The following FIGN variants were observed in gnomAD, a reference collection of about 807,000 sequenced individuals.
FIGN encodes fidgetin, microtubule severing factor, also known as fidgetin.
In FIGN, 11 loss-of-function variants were observed where a neutral mutation model predicts 51.3. The ratio of observed to expected loss-of-function variants is 0.21; its 90% CI spans 0.13 to 0.35. The LOEUF (loss-of-function observed/expected upper bound fraction) is 0.35, where lower values mean the gene tolerates loss of function less well. FIGN is among the 10% of genes least tolerant of loss of function. FIGN has a pLI of 1.00. For missense variants in FIGN, 857 were observed against 943.6 expected, an observed-to-expected ratio of 0.91 and a Z score of 1.20; for synonymous variants, 407 against 363.2, an observed-to-expected ratio of 1.12 and a Z score of -1.37.
At chr2:163,689,778 A>C (rs1410854949) in intron 2 of FIGN, among the ~76,000 whole-genome samples, 2 of 152,186 alleles carry the variant, frequency 1.3e-5, no homozygotes, top group Non-Finnish European at 2.9e-5. Context: ...GCATTTATGC[A>C]GCATTATATA....
chr2:163,622,079 T>C (rs919711642), intron 2 of FIGN, among the ~76,000 whole-genome samples: 1 of 152,204 alleles, frequency 6.6e-6, no homozygotes, highest in African/African-American at 2.4e-5. Flanking sequence ...TCCTCTTCTT[T>C]TGCTCATGGT....
intron 2 of FIGN, among the ~76,000 whole-genome samples, chr2:163,730,374 G>T (rs1179182734): frequency 6.6e-6 from 1 of 152,094 alleles, no homozygotes. Flanking sequence ...AGGAAAAAAA[G>T]AAGAAAATGA....
intron 2 of FIGN, among the ~76,000 whole-genome samples, chr2:163,696,673 G>C (rs1187900018): frequency 6.6e-6 from 1 of 151,638 alleles, no homozygotes; most frequent in Admixed American, 6.6e-5. Flanking sequence ...GTTTTGTTTT[G>C]TTTTGTTTTT....
In FIGN at chr2:163,712,806, C is replaced by A. The variant is rs1684608064; in HGVS notation, c.25+22097G>T. On this transcript the variant is annotated intron_variant, in intron 2 of 2. Coordinates refer to ENST00000333129, the MANE Select transcript of FIGN (RefSeq NM_018086.4). ...TTTTATTTTTATTAACACAAACAAC[C>A]TCCAAAAGAAATGGACTATTATGCA... 1.3e-5 allele frequency among the ~76,000 whole-genome samples: 2 copies of A among 152,140 alleles called. 1 individual carries two copies. The highest frequency in any genetic ancestry group is 4.2e-4 in the South Asian group (2 of 4,818).
chr2:163,682,377 G>T (rs182384660), intron 2 of FIGN, among the ~76,000 whole-genome samples: 4 of 146,744 alleles, frequency 2.7e-5, no homozygotes, highest in African/African-American at 1.0e-4. Context: ...ATAGCCGCAG[G>T]CAATCCAGTA....
At chr2:163,717,310 C>A (rs1260765205) in intron 2 of FIGN, among the ~76,000 whole-genome samples, 1 of 152,012 alleles carries the variant, frequency 6.6e-6, no homozygotes, top group East Asian at 1.9e-4. Context: ...AGAAAGAGAG[C>A]AATTTTTGCA....
At chr2:163,654,733 CAAAG>C (rs1189209627) in intron 2 of FIGN, among the ~76,000 whole-genome samples, 1 of 151,932 alleles carries the variant, frequency 6.6e-6, no homozygotes, top group African/African-American at 2.4e-5. Context: ...GTTTATAACA[CAAAG>C]AAAGGATAAT....
intron 2 of FIGN, among the ~76,000 whole-genome samples, chr2:163,636,632 A>G (rs1195597500): frequency 1.3e-5 from 2 of 152,166 alleles, no homozygotes; most frequent in South Asian, 4.1e-4. Context: ...CAACTGCACA[A>G]TAGCTTGCTT....
chr2:163,619,081 G>A (rs1682927083), intron 2 of FIGN, among the ~76,000 whole-genome samples: 1 of 152,076 alleles, frequency 6.6e-6, no homozygotes, highest in Admixed American at 6.6e-5. Context: ...TGCTGTTTCA[G>A]TGTTCCCCCT....
chr2:163,675,945 G>A lies in FIGN; in HGVS notation c.25+58958C>T, dbSNP rs1439017764. Among the ~76,000 whole-genome samples the A allele has an allele frequency of 2.6e-5, 4 of 151,510 alleles. No homozygotes were observed. The East Asian group carries it at 5.8e-4, about 22-fold the overall frequency. On this transcript the variant is annotated intron_variant, in intron 2 of 2. Coordinates refer to ENST00000333129, the MANE Select transcript of FIGN (RefSeq NM_018086.4). ...AAAGCAAATACCTGGGAGAGCTGGA[G>A]GGAGGGGTGGGGTGTTTTGTACAAA...
At chr2:163,691,541 G>A (rs1002992103) in intron 2 of FIGN, among the ~76,000 whole-genome samples, 5 of 152,110 alleles carry the variant, frequency 3.3e-5, no homozygotes, top group African/African-American at 1.2e-4. Flanking sequence ...ATTTTAAACA[G>A]TGACTTTAGT....
intron 2 of FIGN, among the ~76,000 whole-genome samples, chr2:163,682,152 C>CAAACA (rs373142790): frequency 8.9e-4 from 135 of 152,160 alleles, no homozygotes; most frequent in African/African-American, 2.9e-3. Flanking sequence ...AACAAACAAA[C>CAAACA]AAACAAAACA....
intron 2 of FIGN, among the ~76,000 whole-genome samples, chr2:163,637,994 C>T (rs1031321867): frequency 6.6e-6 from 1 of 152,088 alleles, no homozygotes; most frequent in African/African-American, 2.4e-5. Flanking sequence ...AATTCGATTC[C>T]TGGCACCATT....
chr2:163,611,226 T>A lies in FIGN; in HGVS notation c.606A>T (p.Pro202=). 1 of 1,614,132 alleles carries A rather than the reference T, an allele frequency of 6.2e-7. No individual in the cohort carries two copies. Among genetic ancestry groups the A allele is most frequent in the African/African-American group, 1.3e-5 (1 of 75,056 alleles). Residue 202 remains proline (P), a synonymous_variant, in exon 3 of 3, where the codon CCA becomes CCT. Transcript: ENST00000333129. ...GATGAGGTGAAGGAAGTGCAGGTGCTGGCTGGCTACTATAAGTAGAATGCA... is the reference window on the plus strand; with the variant it reads ...GATGAGGTGAAGGAAGTGCAGGTGCAGGCTGGCTACTATAAGTAGAATGCA... ...SYLHSTYSSQ[P]APALPSPHPS...
At chr2:163,706,629 A>G (rs1388992286) in intron 2 of FIGN, among the ~76,000 whole-genome samples, 3 of 152,168 alleles carry the variant, frequency 2.0e-5, no homozygotes, top group Non-Finnish European at 4.4e-5. Flanking sequence ...AAAATACACA[A>G]TTCATATCTT....
chr2:163,631,577 T>G (rs1463065400), intron 2 of FIGN, among the ~76,000 whole-genome samples: 1 of 152,174 alleles, frequency 6.6e-6, no homozygotes, highest in Non-Finnish European at 1.5e-5. Flanking sequence ...TCTAGGAACC[T>G]GTCTGAGACT....
At chr2:163,684,662 C>T (rs983537104) in intron 2 of FIGN, among the ~76,000 whole-genome samples, 2 of 152,226 alleles carry the variant, frequency 1.3e-5, no homozygotes, top group African/African-American at 4.8e-5. Flanking sequence ...TGATCACTTT[C>T]TCCTCTATGA....
intron 2 of FIGN, among the ~76,000 whole-genome samples, chr2:163,655,781 A>G (rs895439025): frequency 6.9e-6 from 1 of 144,846 alleles, no homozygotes; most frequent in Admixed American, 6.7e-5. Context: ...AAACACACAC[A>G]CACGCACACA....
chr2:163,661,979 C>T (rs1316063702), intron 2 of FIGN, among the ~76,000 whole-genome samples: 1 of 152,088 alleles, frequency 6.6e-6, no homozygotes, highest in East Asian at 1.9e-4. Flanking sequence ...TAGAGTGAGA[C>T]ATTGCTTAAA....
Sources: gnomAD v4.1 joint callset for allele counts (sites outside exome capture counted in the v4.1 genomes callset) on GRCh38, gnomAD v4.1.1 for gene constraint, MANE v1.5 for transcripts, NCBI Gene and HGNC (gene_info 2026-07-23, HGNC 2026-07-21) for gene names.